The following PREP variants were observed in gnomAD, a reference collection of about 807,000 sequenced individuals.
PREP encodes the protein prolyl endopeptidase, also known as dJ355L5.1 (prolyl endopeptidase).
PREP carries 29 observed loss-of-function variants against 87.6 expected under a neutral mutation model. The observed-to-expected ratio is 0.33, with a 90% CI of 0.25 to 0.45. PREP has a LOEUF of 0.45. PREP is among the 20% of genes least tolerant of loss of function. The pLI, the probability that PREP is intolerant of heterozygous loss-of-function variation, is 1.00. For synonymous variants in PREP, 337 were observed against 328.6 expected (o/e 1.03, Z -0.28); for missense variants, 695 against 886.5 (o/e 0.78, Z 2.74).
chr6:105,402,835 A>G lies in PREP; in HGVS notation c.45+12T>C, dbSNP rs1357438526. The G allele has an allele frequency of 1.3e-6, 2 of 1,542,364 alleles. No individual in the cohort carries two copies. The highest frequency in any genetic ancestry group is 1.8e-6 in the Non-Finnish European group (2 of 1,142,262). ...GCCCGGGAGCCCTCTGGGCGGAGGC[A>G]GAGATACTTACGGCGGTCTCGTCGC... On this transcript the variant is annotated intron_variant, in intron 1 of 14. Transcript: ENST00000652536.
chr6:105,397,973 A>C (rs761589458), intron 1 of PREP, 46 bp from the exon 2 acceptor site: 6 of 1,372,674 alleles, frequency 4.4e-6, no homozygotes, highest in Non-Finnish European at 6.2e-6. Context: ...CTCTAACCCC[A>C]ATTAAAACTG....
Position 105,276,658 on chromosome 6 carries a change from C to G in PREP, c.*1486G>C, listed in dbSNP as rs1176397482. On this transcript the variant is annotated 3_prime_UTR_variant, in exon 15 of 15. Transcript: ENST00000652536. ...TGTTTCCAGAGGAGTTATGGTGAAT[C>G]TTATACTCAATGACAACTGTATTAT... 6.6e-6 allele frequency among the ~76,000 whole-genome samples: 1 copy of G among 152,172 alleles called. No homozygotes were observed. The highest frequency in any genetic ancestry group is 1.5e-5 in the Non-Finnish European group (1 of 68,034).
At chr6:105,369,123 T>G in intron 5 of PREP, 99 bp from the exon 6 acceptor site, 1 of 1,260,406 alleles carries the variant, frequency 7.9e-7, no homozygotes, top group Non-Finnish European at 1.1e-6. Context: ...AACAAGTAGC[T>G]GGCTGCAGGA....
chr6:105,379,997 C>CA (rs1468486216), intron 2 of PREP, among the ~76,000 whole-genome samples: 1 of 152,198 alleles, frequency 6.6e-6, no homozygotes, highest in Non-Finnish European at 1.5e-5. Context: ...GTGCAGAAAA[C>CA]AAGAGTGAGT....
chr6:105,397,911 C>T lies in PREP; in HGVS notation c.62G>A (p.Gly21Asp). The stretch of plus-strand genomic sequence containing the variant: ...GGCGTAAGGGTCACAAATTTTATGA[C>T]CATGATAATCCTGTACCTGTAAAAA... ...RDETAVQDYH[G>D]HKICDPYAWL... The change falls in exon 2 of 15, where the codon GGT becomes GAT. Residue 21 changes from glycine to aspartate, a missense_variant. Physicochemically the swap from Gly to Asp is moderately conservative, Grantham distance 94. This residue lies in a region of PREP where 517 missense variants were observed against 620.3 expected (regional missense o/e 0.83). Coordinates refer to ENST00000652536, the MANE Select transcript of PREP (RefSeq NM_002726.5). 1 of 1,610,026 alleles carries T rather than the reference C, an allele frequency of 6.2e-7. No individual in the cohort carries two copies.
chr6:105,284,522 T>C (rs1770149534), intron 12 of PREP, among the ~76,000 whole-genome samples: 1 of 152,156 alleles, frequency 6.6e-6, no homozygotes, highest in African/African-American at 2.4e-5. Flanking sequence ...TGGTCTCTGA[T>C]GCTGAGGAGA....
At chr6:105,348,611 G>C (rs1751549795) in intron 7 of PREP, among the ~76,000 whole-genome samples, 7 of 152,244 alleles carry the variant, frequency 4.6e-5, no homozygotes, top group Admixed American at 4.6e-4. Flanking sequence ...GCCAGGCACA[G>C]TGGCTCACGC....
At chr6:105,355,365 G>A (rs1772070162) in intron 6 of PREP, among the ~76,000 whole-genome samples, 1 of 152,148 alleles carries the variant, frequency 6.6e-6, no homozygotes, top group Non-Finnish European at 1.5e-5. Context: ...ACTGCGCCCA[G>A]CCAAGGCTGT....
intron 2 of PREP, among the ~76,000 whole-genome samples, chr6:105,396,330 G>T (rs1773284201): frequency 1.3e-5 from 2 of 152,216 alleles, no homozygotes; most frequent in Admixed American, 1.3e-4. Flanking sequence ...TTTGCAGTGG[G>T]CAAAGGAGAG....
chr6:105,325,296 G>A (rs1771124783), intron 9 of PREP, among the ~76,000 whole-genome samples: 1 of 152,142 alleles, frequency 6.6e-6, no homozygotes, highest in African/African-American at 2.4e-5. Flanking sequence ...GCATCACCAC[G>A]ACCTGTAGTA....
intron 10 of PREP, among the ~76,000 whole-genome samples, chr6:105,317,845 C>T (rs1259578422): frequency 1.3e-5 from 2 of 152,220 alleles, no homozygotes; most frequent in Admixed American, 6.5e-5. Flanking sequence ...GCTTGCATCA[C>T]GCTTCATGTT....
intron 6 of PREP, among the ~76,000 whole-genome samples, chr6:105,356,024 T>A (rs1772090404): frequency 6.6e-6 from 1 of 150,666 alleles, no homozygotes; most frequent in African/African-American, 2.5e-5. Flanking sequence ...TTAATTCTAC[T>A]CTCTGTTATT....
chr6:105,375,133 T>C (rs1772656724), intron 4 of PREP, among the ~76,000 whole-genome samples: 1 of 152,168 alleles, frequency 6.6e-6, no homozygotes, highest in Non-Finnish European at 1.5e-5. Context: ...AGGATCATTG[T>C]TTATATACAC....
At chr6:105,344,353 G>A (rs1325553232) in intron 7 of PREP, among the ~76,000 whole-genome samples, 2 of 152,090 alleles carry the variant, frequency 1.3e-5, no homozygotes, top group Non-Finnish European at 2.9e-5. Flanking sequence ...TTAGCCAGGC[G>A]TGGTGGCGGG....
chr6:105,334,756 A>G (rs759990345), intron 7 of PREP, among the ~76,000 whole-genome samples: 5 of 117,426 alleles, frequency 4.3e-5, no homozygotes, highest in Non-Finnish European at 5.1e-5. Flanking sequence ...CGGTCTCTCC[A>G]TGTTGCCCAG....
intron 6 of PREP, among the ~76,000 whole-genome samples, chr6:105,367,525 T>TTA (rs1428616777): frequency 2.4e-4 from 36 of 151,822 alleles, no homozygotes; most frequent in African/African-American, 8.2e-4. Context: ...TACAAAAATA[T>TTA]GCCGGGCGTA....
At chr6:105,329,687 A>T (rs1771270647) in intron 8 of PREP, among the ~76,000 whole-genome samples, 1 of 152,248 alleles carries the variant, frequency 6.6e-6, no homozygotes, top group Non-Finnish European at 1.5e-5. Context: ...ATTGTTTATT[A>T]GATAAAAATG....
At chr6:105,361,022 AC>A (rs1772235047) in intron 6 of PREP, among the ~76,000 whole-genome samples, 1 of 152,326 alleles carries the variant, frequency 6.6e-6, no homozygotes, top group African/African-American at 2.4e-5. Context: ...ATAGATACTA[AC>A]ATCTCAATAT....
At chr6:105,386,449 C>T (rs951683614) in intron 2 of PREP, among the ~76,000 whole-genome samples, 1 of 151,960 alleles carries the variant, frequency 6.6e-6, no homozygotes, top group Admixed American at 6.5e-5. Context: ...AACTGGAGCT[C>T]CAGAGAGTCA....
Sources: gnomAD v4.1 joint callset for allele counts (sites outside exome capture counted in the v4.1 genomes callset) on GRCh38, gnomAD v4.1.1 for gene constraint, gnomAD v4.1.1 regional missense constraint, MANE v1.5 for transcripts, NCBI Gene and HGNC (gene_info 2026-07-23, HGNC 2026-07-21) for gene names.